PIRT: variants seen among roughly 807,000 people sequenced by gnomAD.
The protein encoded by PIRT is phosphoinositide-interacting protein.
In PIRT, 6 loss-of-function variants were observed where a neutral mutation model predicts 7.9. That is an observed-to-expected ratio of 0.76 (90% CI 0.42 to 1.51). PIRT has a LOEUF of 1.51. PIRT is among the 40% of genes most tolerant of loss of function. The pLI, the probability that PIRT is intolerant of heterozygous loss-of-function variation, is 0.01. For synonymous variants in PIRT, 78 were observed against 71.8 expected (o/e 1.09, Z -0.44); for missense variants, 170 against 172.9 (o/e 0.98, Z 0.09).
At chr17:10,837,089 G>C (rs1414938369) in intron 1 of PIRT, among the ~76,000 whole-genome samples, 1 of 152,174 alleles carries the variant, frequency 6.6e-6, no homozygotes, top group Non-Finnish European at 1.5e-5. Context: ...TGTCACCATG[G>C]CCATGGCCAC....
At chr17:10,834,539 T>G (rs8073358) in intron 1 of PIRT, among the ~76,000 whole-genome samples, 24,343 of 152,122 alleles carry the variant, frequency 0.16, 2,085 homozygotes, top group Non-Finnish European at 0.2. Flanking sequence ...ATTGGTGGGG[T>G]TTGCATGAGG....
At chr17:10,826,156 T>G (rs1597586899) in intron 1 of PIRT, among the ~76,000 whole-genome samples, 1 of 152,086 alleles carries the variant, frequency 6.6e-6, no homozygotes, top group Non-Finnish European at 1.5e-5. Context: ...TAGAGACGGG[T>G]TTCCACCATG....
At chr17:10,836,445 G>T (rs1393891212) in intron 1 of PIRT, among the ~76,000 whole-genome samples, 1 of 152,190 alleles carries the variant, frequency 6.6e-6, no homozygotes, top group East Asian at 1.9e-4. Context: ...TTCAGCCTCA[G>T]ATCAACAACG....
At chr17:10,825,918 C>G (rs908782133) in intron 1 of PIRT, 135 bp from the exon 2 acceptor site, 3 of 301,698 alleles carry the variant, frequency 9.9e-6, no homozygotes, top group Non-Finnish European at 1.8e-5. Context: ...AAACAAGGAA[C>G]AGTGATGCCA....
At chr17:10,835,294 G>A (rs1291186983) in intron 1 of PIRT, among the ~76,000 whole-genome samples, 1 of 152,202 alleles carries the variant, frequency 6.6e-6, no homozygotes, top group African/African-American at 2.4e-5. Flanking sequence ...AGTGTGTGGT[G>A]GGAGCCACGC....
At chr17:10,827,755 GT>G (rs1449430259) in intron 1 of PIRT, among the ~76,000 whole-genome samples, 2 of 152,014 alleles carry the variant, frequency 1.3e-5, no homozygotes, top group Admixed American at 1.3e-4. Flanking sequence ...GATTACAGGT[GT>G]GAGCCACCGC....
At chr17:10,831,819 G>T (rs1476404087) in intron 1 of PIRT, among the ~76,000 whole-genome samples, 1 of 152,224 alleles carries the variant, frequency 6.6e-6, no homozygotes, top group Non-Finnish European at 1.5e-5. Context: ...GAAGCCTGGA[G>T]TTGCAGGGCC....
intron 1 of PIRT, among the ~76,000 whole-genome samples, chr17:10,826,525 A>ATG (rs1377893349): frequency 1.3e-5 from 2 of 152,242 alleles, no homozygotes; most frequent in Non-Finnish European, 2.9e-5. Flanking sequence ...TAAATTCTGC[A>ATG]TGTGTGTCCT....
Position 10,825,390 on chromosome 17 carries a change from G to C in PIRT, c.256C>G (p.Leu86Val). Residue 86 changes from leucine to valine, a missense_variant, in exon 2 of 2, where the codon CTC (leucine) becomes GTC (valine). Leu to Val is a conservative substitution (Grantham distance 32, BLOSUM62 1). Transcript: ENST00000580256. ...AYTLKLSDKS[L>V]SILKMVGPGF... ...GGCCCTACCATTTTGAGGATGGAGAGACTCTTGTCACTCAGCTTCAAGGTG... is the reference window on the plus strand; with the variant it reads ...GGCCCTACCATTTTGAGGATGGAGACACTCTTGTCACTCAGCTTCAAGGTG... 1 of 1,613,988 alleles carries C rather than the reference G, an allele frequency of 6.2e-7. No homozygotes were observed. Among genetic ancestry groups the C allele is most frequent in the Non-Finnish European group, 8.5e-7 (1 of 1,179,896 alleles).
In PIRT at chr17:10,825,173, G is replaced by A. The variant is rs759297371; in HGVS notation, c.*59C>T. The A allele has an allele frequency of 1.4e-5, 22 of 1,567,330 alleles. No homozygotes were observed. Among genetic ancestry groups the A allele is most frequent in the African/African-American group, 5.4e-5 (4 of 74,040 alleles). On this transcript the variant is annotated 3_prime_UTR_variant, in exon 2 of 2. Transcript: ENST00000580256. The stretch of plus-strand genomic sequence containing the variant: ...ACCCCACAGAGGAGACAGGGATGTC[G>A]GATGTTGGTCATCAGATCTTCTCCC...
At chr17:10,828,814 C>A (rs543416571) in intron 1 of PIRT, among the ~76,000 whole-genome samples, 20 of 152,326 alleles carry the variant, frequency 1.3e-4, no homozygotes, top group African/African-American at 4.8e-4. Flanking sequence ...TGATTCCATT[C>A]TCTAGAACAA....
intron 1 of PIRT, among the ~76,000 whole-genome samples, chr17:10,835,805 A>T (rs1905574820): frequency 6.6e-6 from 1 of 151,980 alleles, no homozygotes; most frequent in African/African-American, 2.4e-5. Context: ...TCGCCTGGGG[A>T]GTCTCTTTTA....
At chr17:10,827,267 C>T (rs1905344436) in intron 1 of PIRT, among the ~76,000 whole-genome samples, 1 of 152,160 alleles carries the variant, frequency 6.6e-6, no homozygotes, top group African/African-American at 2.4e-5. Context: ...AGCCCATCTG[C>T]ATAGCTCTCA....
rs531390251 is a variant in PIRT, at chr17:10,827,050, G to A, written c.-138-1267C>T. Among the ~76,000 whole-genome samples, 203 of 152,124 alleles carry A rather than the reference G, an allele frequency of 1.3e-3. 1 individual carries two copies. The highest frequency in any genetic ancestry group is 4.5e-3 in the African/African-American group (185 of 41,482). On this transcript the variant is annotated intron_variant, in intron 1 of 1. Coordinates refer to ENST00000580256, the MANE Select transcript of PIRT (RefSeq NM_001101387.2). ...TGGTCTTGAACTCCTGACCTCAGGT[G>A]ATCTACCTGTCTTGGCCTCCCAAAG...
At chr17:10,834,238 A>G (rs1905529837) in intron 1 of PIRT, among the ~76,000 whole-genome samples, 1 of 152,264 alleles carries the variant, frequency 6.6e-6, no homozygotes, top group African/African-American at 2.4e-5. Flanking sequence ...AACAGAAGAA[A>G]GGATAAATGG....
intron 1 of PIRT, among the ~76,000 whole-genome samples, chr17:10,831,427 A>C (rs1443264377): frequency 6.6e-6 from 1 of 152,154 alleles, no homozygotes; most frequent in Non-Finnish European, 1.5e-5. Context: ...TTCTAAATCC[A>C]ATGATTGGCA....
At chr17:10,831,665 C>T (rs1216514897) in intron 1 of PIRT, among the ~76,000 whole-genome samples, 2 of 152,208 alleles carry the variant, frequency 1.3e-5, no homozygotes, top group Non-Finnish European at 2.9e-5. Flanking sequence ...CCTTCAATTT[C>T]TGTTGTTTCA....
chr17:10,825,450 G>A lies in PIRT; in HGVS notation c.196C>T (p.Leu66=). 2.5e-6 allele frequency: 4 copies of A among 1,613,964 alleles called. No individual in the cohort carries two copies. The highest frequency in any genetic ancestry group is 3.4e-6 in the Non-Finnish European group (4 of 1,179,876). ...CAGGTGATGACCACGCCGAAAAGCA[G>A]GATGGCACCGCCCACTGACATGATA... ...IVIMSVGGAI[L]LFGVVITCLA... is the part of the protein sequence containing the mutation. The change falls in exon 2 of 2, where the codon CTG becomes TTG. Residue 66 remains leucine (L), a synonymous_variant. Transcript: ENST00000580256.
rs1449446874 is a variant in PIRT at position 10,822,767 on chromosome 17, G to A, written c.*2465C>T. On this transcript the variant is annotated 3_prime_UTR_variant, in exon 2 of 2. Transcript: ENST00000580256. ...AATGTCCTGCCTCAGTGTGACCCTG[G>A]AACCTTTCCAGCCCACACTCATGTG... The A allele has an allele frequency of 6.6e-6, 1 of 152,156 alleles. No individual in the cohort carries two copies. The highest frequency in any genetic ancestry group is 2.4e-5 in the African/African-American group (1 of 41,434). 9.4% of individuals were successfully genotyped at this position (152,156 alleles called of 1,614,324 possible).
Sources: allele counts gnomAD v4.1 joint callset (sites outside exome capture counted in the v4.1 genomes callset), GRCh38; gene constraint gnomAD v4.1.1; transcripts MANE v1.5; gene names NCBI Gene and HGNC (gene_info 2026-07-23, HGNC 2026-07-21).